Variants in GAREM1 observed in about 807,000 individuals in gnomAD.
The protein encoded by GAREM1 is GRB2 associated regulator of MAPK1 subtype 1, also known as GRB2-associated and regulator of MAPK protein 1.
In GAREM1, 26 loss-of-function variants were observed where a neutral mutation model predicts 71.3. That is an observed-to-expected ratio of 0.36 (90% CI 0.27 to 0.51). The LOEUF is 0.51. GAREM1 is among the 20% of genes least tolerant of loss of function. The probability of loss-of-function intolerance (pLI) is 0.95; values close to 1 mark genes in which losing one functional copy is unlikely to be tolerated. For synonymous variants in GAREM1, 440 were observed against 433.2 expected (o/e 1.02, Z -0.20); for missense variants, 1,026 against 1,103.1 (o/e 0.93, Z 0.99).
intron 1 of GAREM1, among the ~76,000 whole-genome samples, chr18:32,400,446 G>C (rs529986965): frequency 7.9e-5 from 12 of 152,170 alleles, no homozygotes; most frequent in African/African-American, 2.7e-4. Flanking sequence ...CTAATATCCA[G>C]AATCTACAAA....
intron 2 of GAREM1, among the ~76,000 whole-genome samples, chr18:32,373,619 TA>T (rs2048006950): frequency 6.6e-6 from 1 of 152,204 alleles, no homozygotes; most frequent in African/African-American, 2.4e-5. Flanking sequence ...TCTGGAAGAA[TA>T]CAATGCCAAA....
At chr18:32,310,345 A>G in intron 2 of GAREM1, 22 bp from the exon 3 acceptor site, 1 of 1,613,198 alleles carries the variant, frequency 6.2e-7, no homozygotes, top group Non-Finnish European at 8.5e-7. Flanking sequence ...GATAAACAGA[A>G]GAGATCTAAG....
chr18:32,424,778 T>C (rs1245919805), intron 1 of GAREM1, among the ~76,000 whole-genome samples: 1 of 152,218 alleles, frequency 6.6e-6, no homozygotes, highest in Admixed American at 6.5e-5. Context: ...TCAGATGTTT[T>C]ACTCACTTTC....
chr18:32,297,156 GCTCT>G (rs939218915), intron 3 of GAREM1, among the ~76,000 whole-genome samples: 1 of 152,104 alleles, frequency 6.6e-6, no homozygotes, highest in African/African-American at 2.4e-5. Context: ...TAAAATACGT[GCTCT>G]CTGTTTCTTA....
At chr18:32,467,227 C>G (rs2049008413) in intron 1 of GAREM1, among the ~76,000 whole-genome samples, 1 of 152,142 alleles carries the variant, frequency 6.6e-6, no homozygotes, top group East Asian at 1.9e-4. Flanking sequence ...CTTTGGCAAG[C>G]AGAAAGTTGT....
chr18:32,391,884 G>A lies in GAREM1; in HGVS notation c.262+1011C>T, dbSNP rs560550172. On this transcript the variant is annotated intron_variant, in intron 2 of 5. Transcript: ENST00000269209. ...TGAGAAGCTAAGTAATCCCTGGGTCGTATCAGCATTTGAAGATTCCCAGGA... is the reference window on the plus strand; with the variant it reads ...TGAGAAGCTAAGTAATCCCTGGGTCATATCAGCATTTGAAGATTCCCAGGA... 5.3e-5 allele frequency among the ~76,000 whole-genome samples: 8 copies of A among 152,212 alleles called. No individual in the cohort carries two copies. The East Asian group carries it at 7.7e-4, about 15-fold the overall frequency.
intron 2 of GAREM1, among the ~76,000 whole-genome samples, chr18:32,364,005 T>C (rs1307993357): frequency 4.6e-5 from 2 of 43,246 alleles, no homozygotes; most frequent in East Asian, 6.0e-4. Flanking sequence ...CATATATATA[T>C]ATATATATAT....
At chr18:32,343,858 G>A (rs1010476645) in intron 2 of GAREM1, among the ~76,000 whole-genome samples, 6 of 152,076 alleles carry the variant, frequency 3.9e-5, no homozygotes, top group Non-Finnish European at 8.8e-5. Flanking sequence ...TGGGAGAACA[G>A]CTGTCCAGGA....
chr18:32,419,940 G>A (rs1488045864), intron 1 of GAREM1, among the ~76,000 whole-genome samples: 1 of 152,150 alleles, frequency 6.6e-6, no homozygotes, highest in African/African-American at 2.4e-5. Flanking sequence ...TGATACGAAA[G>A]CAGTTGTCAC....
intron 2 of GAREM1, among the ~76,000 whole-genome samples, chr18:32,368,208 T>C (rs975204653): frequency 9.9e-5 from 15 of 152,146 alleles, no homozygotes; most frequent in Non-Finnish European, 1.9e-4. Flanking sequence ...TCAGGCACTT[T>C]TGACTTATGC....
intron 4 of GAREM1, among the ~76,000 whole-genome samples, chr18:32,279,408 T>C (rs2041584646): frequency 6.6e-6 from 1 of 152,206 alleles, no homozygotes; most frequent in Non-Finnish European, 1.5e-5. Context: ...AGTGGCAGCA[T>C]TAGATTCTCA....
intron 1 of GAREM1, among the ~76,000 whole-genome samples, chr18:32,450,448 C>T (rs61273573): frequency 0.094 from 14,268 of 152,138 alleles, 797 homozygotes; most frequent in African/African-American, 0.16. Flanking sequence ...TTAGGGGTTG[C>T]AACATGTGTA....
intron 2 of GAREM1, among the ~76,000 whole-genome samples, chr18:32,323,209 T>C (rs1432675248): frequency 6.6e-6 from 1 of 152,214 alleles, no homozygotes; most frequent in Non-Finnish European, 1.5e-5. Context: ...CTGCATTTCT[T>C]AAAGAGAGTC....
intron 1 of GAREM1, among the ~76,000 whole-genome samples, chr18:32,418,970 C>A (rs1019911845): frequency 1.3e-5 from 2 of 152,214 alleles, no homozygotes; most frequent in Non-Finnish European, 2.9e-5. Context: ...TCCACTCAGG[C>A]TGAAATCAAG....
chr18:32,435,531 G>A (rs987538603), intron 1 of GAREM1, among the ~76,000 whole-genome samples: 3 of 151,850 alleles, frequency 2.0e-5, no homozygotes, highest in Non-Finnish European at 4.4e-5. Context: ...AACATCATTG[G>A]TAGATTTTCC....
At chr18:32,322,991 T>TATA (rs2047444405) in intron 2 of GAREM1, among the ~76,000 whole-genome samples, 1 of 152,186 alleles carries the variant, frequency 6.6e-6, no homozygotes, top group Non-Finnish European at 1.5e-5. Flanking sequence ...AGGAGAAATA[T>TATA]ATATTTTTGG....
Position 32,343,630 on chromosome 18 carries a change from T to A in GAREM1, c.263-33307A>T, listed in dbSNP as rs973869501. On this transcript the variant is annotated intron_variant, in intron 2 of 5. Coordinates refer to ENST00000269209, the MANE Select transcript of GAREM1 (RefSeq NM_001242409.2). ...CAAGAGTACTTTTAAACCAAGCTAG[T>A]TCAAAGAAAATGAAACAAAATGTGT... Among the ~76,000 whole-genome samples, 3 of 152,144 alleles carry A rather than the reference T, an allele frequency of 2.0e-5. No individual in the cohort carries two copies. The South Asian group carries it at 6.2e-4, about 31-fold the overall frequency.
chr18:32,381,675 G>A (rs1323343082), intron 2 of GAREM1, among the ~76,000 whole-genome samples: 1 of 152,158 alleles, frequency 6.6e-6, no homozygotes, highest in African/African-American at 2.4e-5. Context: ...TAACTCACCT[G>A]CAGGGGAGGG....
At position 32,271,105 on chromosome 18, in the gene GAREM1, C is replaced by CTT. The variant is rs777725846; in HGVS notation, c.1567-723_1567-722insAA. 2.5e-3 allele frequency among the ~76,000 whole-genome samples: 381 copies of CTT among 152,178 alleles called. 3 individuals are homozygous for CTT. Among genetic ancestry groups the CTT allele is most frequent in the Middle Eastern group, 6.8e-3 (2 of 294 alleles). ...TATTTTTAGTAGAGATGAAGTTTCA[C>CTT]CATGTTGCTCAGGCTGCCTCCCAAA... is the stretch of plus-strand genomic sequence containing the variant. On this transcript the variant is annotated intron_variant, in intron 4 of 5. Coordinates refer to ENST00000269209, the MANE Select transcript of GAREM1 (RefSeq NM_001242409.2).
Sources: gnomAD v4.1 joint callset for allele counts (sites outside exome capture counted in the v4.1 genomes callset) on GRCh38, gnomAD v4.1.1 for gene constraint, MANE v1.5 for transcripts, NCBI Gene and HGNC (gene_info 2026-07-23, HGNC 2026-07-21) for gene names.